Variants in KATNBL1 observed in about 807,000 individuals in gnomAD.
KATNBL1 encodes the protein katanin regulatory subunit B1 like 1, also known as KATNB1-like protein 1.
A neutral mutation model predicts 44.7 loss-of-function variants in KATNBL1; 28 were observed. The observed-to-expected ratio is 0.63, with a 90% CI of 0.46 to 0.86. KATNBL1 has a LOEUF of 0.86. Ranked by LOEUF, KATNBL1 falls within the 40% of genes least tolerant of loss-of-function variation. The probability of loss-of-function intolerance (pLI) is 0.00; values close to 1 mark genes in which losing one functional copy is unlikely to be tolerated. For synonymous variants in KATNBL1, 78 were observed against 114.9 expected (o/e 0.68, Z 2.06); for missense variants, 272 against 350.7 (o/e 0.78, Z 1.79).
intron 1 of KATNBL1, among the ~76,000 whole-genome samples, chr15:34,164,104 G>A (rs190784490): frequency 2.0e-4 from 30 of 152,256 alleles, no homozygotes; most frequent in African/African-American, 6.7e-4. Context: ...ATGTTGTTCA[G>A]GCTGATCTCA....
intron 1 of KATNBL1, among the ~76,000 whole-genome samples, chr15:34,185,126 T>C (rs1284326606): frequency 2.0e-5 from 3 of 152,170 alleles, no homozygotes; most frequent in Admixed American, 6.5e-5. Context: ...CCTGCCACCA[T>C]GCCCAGCTAA....
chr15:34,207,412 G>C lies in KATNBL1; in HGVS notation c.-15+2539C>G, dbSNP rs144195018. ...TTAAGTAGAGACAGGGTTTCATCGT[G>C]TTAGCCAGGATGGTCTCGATCTCCT... On this transcript the variant is annotated intron_variant, in intron 1 of 9. Transcript: ENST00000256544. Among the ~76,000 whole-genome samples, 768 of 152,192 alleles carry C rather than the reference G, an allele frequency of 5.0e-3. 4 individuals carry two copies. The highest frequency in any genetic ancestry group is 0.017 in the African/African-American group (722 of 41,518).
chr15:34,194,302 A>AT (rs909755994), intron 1 of KATNBL1, among the ~76,000 whole-genome samples: 10 of 151,412 alleles, frequency 6.6e-5, no homozygotes, highest in South Asian at 4.2e-4. Context: ...ATGTTAAAAG[A>AT]TTTTTTTTTG....
intron 1 of KATNBL1, among the ~76,000 whole-genome samples, chr15:34,171,304 A>C (rs1388892758): frequency 6.6e-6 from 1 of 152,230 alleles, no homozygotes; most frequent in African/African-American, 2.4e-5. Flanking sequence ...TCAAAAGAAG[A>C]CATTTATGCA....
chr15:34,206,750 C>T (rs1434642117), intron 1 of KATNBL1, among the ~76,000 whole-genome samples: 1 of 150,732 alleles, frequency 6.6e-6, no homozygotes, highest in Non-Finnish European at 1.5e-5. Context: ...AAGATCTTGC[C>T]ACTGTACTCC....
chr15:34,165,031 C>G (rs1391180968), intron 1 of KATNBL1, among the ~76,000 whole-genome samples: 3 of 152,150 alleles, frequency 2.0e-5, no homozygotes, highest in Admixed American at 6.5e-5. Context: ...AATGGACAAC[C>G]CTTCCACCTG....
chr15:34,192,386 A>C (rs991611372), intron 1 of KATNBL1, among the ~76,000 whole-genome samples: 13 of 148,876 alleles, frequency 8.7e-5, no homozygotes, highest in Non-Finnish European at 1.9e-4. Flanking sequence ...CCTGGGCGAC[A>C]GAGTGAGACT....
intron 9 of KATNBL1, among the ~76,000 whole-genome samples, chr15:34,143,678 A>G (rs1464642708): frequency 6.6e-6 from 1 of 151,066 alleles, no homozygotes; most frequent in African/African-American, 2.4e-5. Flanking sequence ...GGCCAGGCGC[A>G]GTGGCTCACG....
intron 2 of KATNBL1, among the ~76,000 whole-genome samples, chr15:34,160,154 T>A (rs915884169): frequency 1.3e-5 from 2 of 152,226 alleles, no homozygotes; most frequent in East Asian, 3.9e-4. Flanking sequence ...ATTTTCCACA[T>A]TTGAAACATT....
intron 1 of KATNBL1, among the ~76,000 whole-genome samples, chr15:34,179,975 A>G (rs1169686654): frequency 6.6e-6 from 1 of 152,246 alleles, no homozygotes; most frequent in African/African-American, 2.4e-5. Context: ...AATATTTCAT[A>G]AGAAGAATCT....
At chr15:34,195,350 G>GACAAATACTGCATGTCCTCACTT (rs1379135003) in intron 1 of KATNBL1, among the ~76,000 whole-genome samples, 1 of 152,094 alleles carries the variant, frequency 6.6e-6, no homozygotes, top group Non-Finnish European at 1.5e-5. Flanking sequence ...CAGACACAAA[G>GACAAATACTGCATGTCCTCACTT]ACAAATACTG....
intron 1 of KATNBL1, among the ~76,000 whole-genome samples, chr15:34,170,574 T>C (rs1432314801): frequency 7.2e-5 from 11 of 152,126 alleles, no homozygotes; most frequent in East Asian, 3.8e-4. Flanking sequence ...CTTGGAAGAA[T>C]TGGAAAAAAC....
intron 4 of KATNBL1, among the ~76,000 whole-genome samples, chr15:34,151,306 G>A (rs887252803): frequency 2.6e-5 from 4 of 152,016 alleles, no homozygotes; most frequent in African/African-American, 9.7e-5. Flanking sequence ...ATATCCTGTT[G>A]TGGTTTTGAT....
At chr15:34,196,098 C>T (rs900401547) in intron 1 of KATNBL1, among the ~76,000 whole-genome samples, 3 of 152,126 alleles carry the variant, frequency 2.0e-5, no homozygotes, top group Admixed American at 6.5e-5. Context: ...AGATGTTACA[C>T]ATGTATCTTA....
intron 9 of KATNBL1, 195 bp from the exon 10 acceptor site, chr15:34,142,566 T>C (rs146795518): frequency 4.0e-6 from 2 of 505,580 alleles, no homozygotes; most frequent in Non-Finnish European, 6.9e-6. Context: ...GTGCTCAATA[T>C]ATATTTGCTA....
intron 1 of KATNBL1, among the ~76,000 whole-genome samples, chr15:34,203,741 G>A (rs1370721768): frequency 1.3e-5 from 2 of 152,112 alleles, no homozygotes; most frequent in East Asian, 1.9e-4. Flanking sequence ...AGGCTGGAGT[G>A]CAGTAGCACG....
rs764281966 is a variant in KATNBL1 at position 34,153,036 on chromosome 15, T to A, written c.192A>T (p.Lys64Asn). The stretch of plus-strand genomic sequence containing the variant: ...TTCTGCGATAGATCACTTTACGAAG[T>A]TTATCTGGGCTTTTCACAGTTTGTC... ...TVGQTVKSPD[K>N]LRKVIYRRKK... is the part of the protein sequence containing the mutation. The change falls in exon 4 of 10, where the codon AAA (lysine) becomes AAT (asparagine). Residue 64 changes from lysine to asparagine, a missense_variant. Lys to Asn is a moderately conservative substitution (Grantham distance 94). Coordinates refer to ENST00000256544, the MANE Select transcript of KATNBL1 (RefSeq NM_024713.3). 1 of 1,612,902 alleles carries A rather than the reference T, an allele frequency of 6.2e-7. No homozygotes were observed. Among genetic ancestry groups the A allele is most frequent in the Non-Finnish European group, 8.5e-7 (1 of 1,179,216 alleles).
At chr15:34,207,346 C>A (rs1468629045) in intron 1 of KATNBL1, among the ~76,000 whole-genome samples, 1 of 152,006 alleles carries the variant, frequency 6.6e-6, no homozygotes, top group African/African-American at 2.4e-5. Flanking sequence ...GTAGCTGGAA[C>A]TACAGGCGTG....
At position 34,151,640 on chromosome 15, in the gene KATNBL1, T is replaced by C. The variant is rs903807934; in HGVS notation, c.438+1150A>G. 1.1e-4 allele frequency among the ~76,000 whole-genome samples: 16 copies of C among 151,868 alleles called. 1 individual carries two copies. The highest frequency in any genetic ancestry group is 3.9e-4 in the African/African-American group (16 of 41,424). On this transcript the variant is annotated intron_variant, in intron 4 of 9. Coordinates refer to ENST00000256544, the MANE Select transcript of KATNBL1 (RefSeq NM_024713.3). ...GTAATTTTTGTATTTTTGGTAAAGA[T>C]GGGGTTTTGCCATGTTGGCCAGGCG...
Sources: gnomAD v4.1 joint callset for allele counts (sites outside exome capture counted in the v4.1 genomes callset) on GRCh38, gnomAD v4.1.1 for gene constraint, MANE v1.5 for transcripts, NCBI Gene and HGNC (gene_info 2026-07-23, HGNC 2026-07-21) for gene names.